Variants in SLX4IP observed in about 807,000 individuals in gnomAD.
The protein encoded by SLX4IP is protein SLX4IP.
In SLX4IP, 34 loss-of-function variants were observed where a neutral mutation model predicts 32.9. That is an observed-to-expected ratio of 1.03 (90% confidence interval 0.79 to 1.38). SLX4IP has a LOEUF of 1.38. SLX4IP is among the 40% of genes most tolerant of loss of function. The pLI, the probability that SLX4IP is intolerant of heterozygous loss-of-function variation, is 0.00. For synonymous variants in SLX4IP, 172 were observed against 171.7 expected (o/e 1.00, Z -0.01); for missense variants, 444 against 479.0 (o/e 0.93, Z 0.68).
In SLX4IP at chr20:10,626,572, A is replaced by C. The variant is rs574868729; in HGVS notation, c.*3193A>C. The C allele has an allele frequency of 2.0e-5, 3 of 152,278 alleles. No individual in the cohort carries two copies. Among genetic ancestry groups the C allele is most frequent in the East Asian group, 3.9e-4 (2 of 5,178 alleles). 9.4% of individuals were successfully genotyped at this position (152,278 alleles called of 1,614,324 possible). On this transcript the variant is annotated 3_prime_UTR_variant, in exon 8 of 8. Coordinates refer to ENST00000334534, the MANE Select transcript of SLX4IP (RefSeq NM_001009608.3). ...CTAAGCCACTTCCATGTGCTTTCAG[A>C]TGGCATCTTAATAGATTGGTGTTGA...
chr20:10,466,984 CAA>C (rs1436399282), intron 2 of SLX4IP, among the ~76,000 whole-genome samples: 6 of 152,068 alleles, frequency 3.9e-5, no homozygotes, highest in African/African-American at 1.4e-4. Context: ...TAGAACACCA[CAA>C]AAAGAGAAAT....
intron 2 of SLX4IP, among the ~76,000 whole-genome samples, chr20:10,484,880 G>A (rs1042694913): frequency 6.6e-6 from 1 of 152,088 alleles, no homozygotes; most frequent in South Asian, 2.1e-4. Flanking sequence ...TGTGGAGTTG[G>A]TGGTACCCAT....
chr20:10,540,096 T>TTCCTTTCCTTCC (rs1380282080), intron 2 of SLX4IP, among the ~76,000 whole-genome samples: 13,103 of 111,058 alleles, frequency 0.12, 965 homozygotes, highest in Admixed American at 0.13. Flanking sequence ...CCTTCCTTCC[T>TTCCTTTCCTTCC]TTCCTTCCTT....
chr20:10,613,811 G>C, intron 6 of SLX4IP: 2 of 1,612,654 alleles, frequency 1.2e-6, no homozygotes, highest in South Asian at 2.2e-5. Flanking sequence ...CACCCTTGAA[G>C]TCCAGATAGG....
At chr20:10,589,721 A>C (rs937455774) in intron 4 of SLX4IP, among the ~76,000 whole-genome samples, 2 of 152,236 alleles carry the variant, frequency 1.3e-5, no homozygotes, top group Non-Finnish European at 2.9e-5. Context: ...AAATCACGTT[A>C]TAAAACAACA....
chr20:10,497,478 T>G (rs188437859), intron 2 of SLX4IP, among the ~76,000 whole-genome samples: 245 of 152,304 alleles, frequency 1.6e-3, no homozygotes, highest in African/African-American at 5.7e-3. Flanking sequence ...TTCCTCAATT[T>G]TGGCAGTCTC....
chr20:10,579,513 C>T (rs908153993), intron 4 of SLX4IP, among the ~76,000 whole-genome samples: 1 of 150,748 alleles, frequency 6.6e-6, no homozygotes, highest in Non-Finnish European at 1.5e-5. Context: ...CTGCAACCTC[C>T]GCCTCCCAGG....
chr20:10,456,017 C>T (rs933963258), intron 1 of SLX4IP, among the ~76,000 whole-genome samples: 1 of 152,258 alleles, frequency 6.6e-6, no homozygotes, highest in Admixed American at 6.5e-5. Flanking sequence ...CATAATGCCA[C>T]AAGTACAAAA....
chr20:10,577,187 A>G (rs2066532432), intron 4 of SLX4IP, among the ~76,000 whole-genome samples: 1 of 152,178 alleles, frequency 6.6e-6, no homozygotes. Flanking sequence ...CTTCTAGAAG[A>G]CTGAGATTTT....
chr20:10,463,853 C>T (rs2065358523), intron 2 of SLX4IP, among the ~76,000 whole-genome samples: 1 of 152,136 alleles, frequency 6.6e-6, no homozygotes, highest in African/African-American at 2.4e-5. Flanking sequence ...ACAGTCATAA[C>T]TCACTGCGGC....
chr20:10,533,701 G>A (rs1373071250), intron 2 of SLX4IP, among the ~76,000 whole-genome samples: 1 of 146,486 alleles, frequency 6.8e-6, no homozygotes, highest in Admixed American at 7.0e-5. Context: ...CTCACTGCAA[G>A]CTCCACCTCC....
At chr20:10,520,699 A>G (rs640572) in intron 2 of SLX4IP, among the ~76,000 whole-genome samples, 87,254 of 152,098 alleles carry the variant, frequency 0.57, 25,647 homozygotes, top group South Asian at 0.72. Context: ...TATGGTTTGA[A>G]GAATGAGCCC....
At chr20:10,610,951 T>C (rs191784503) in intron 6 of SLX4IP, among the ~76,000 whole-genome samples, 95 of 152,328 alleles carry the variant, frequency 6.2e-4, no homozygotes, top group Non-Finnish European at 1.3e-3. Flanking sequence ...TTTTGCCTTG[T>C]GGTCTGGGAT....
chr20:10,545,983 G>T (rs2066158675), intron 2 of SLX4IP, among the ~76,000 whole-genome samples: 2 of 152,106 alleles, frequency 1.3e-5, no homozygotes, highest in South Asian at 4.1e-4. Context: ...AAATATTAAA[G>T]AATATTTTCT....
At chr20:10,557,566 G>A (rs908559864) in intron 3 of SLX4IP, among the ~76,000 whole-genome samples, 1 of 152,104 alleles carries the variant, frequency 6.6e-6, no homozygotes, top group Admixed American at 6.5e-5. Context: ...CTGTTCACTC[G>A]TTTCCCCAAA....
chr20:10,567,818 A>G (rs1379383300), intron 4 of SLX4IP, among the ~76,000 whole-genome samples: 1 of 152,230 alleles, frequency 6.6e-6, no homozygotes, highest in Non-Finnish European at 1.5e-5. Context: ...ACCACTCAAC[A>G]GTCTGCTCAC....
At chr20:10,579,765 G>A (rs1287616753) in intron 4 of SLX4IP, among the ~76,000 whole-genome samples, 3 of 152,092 alleles carry the variant, frequency 2.0e-5, no homozygotes, top group African/African-American at 7.2e-5. Flanking sequence ...TGCCAATACT[G>A]CACTGTCTTG....
At chr20:10,512,526 C>G (rs982400491) in intron 2 of SLX4IP, among the ~76,000 whole-genome samples, 6 of 147,596 alleles carry the variant, frequency 4.1e-5, no homozygotes, top group African/African-American at 1.5e-4. Context: ...TTCCAAGTAG[C>G]TAGGACTACA....
intron 4 of SLX4IP, among the ~76,000 whole-genome samples, chr20:10,576,522 T>C (rs757261330): frequency 6.6e-6 from 1 of 152,264 alleles, no homozygotes; most frequent in Non-Finnish European, 1.5e-5. Context: ...AATGGGAAAC[T>C]TGGCCTGATC....
Sources: gnomAD v4.1 joint callset for allele counts (sites outside exome capture counted in the v4.1 genomes callset) on GRCh38, gnomAD v4.1.1 for gene constraint, MANE v1.5 for transcripts, NCBI Gene and HGNC (gene_info 2026-07-23, HGNC 2026-07-21) for gene names.